Variants in CNTN3 observed in about 807,000 individuals in gnomAD.
CNTN3 encodes contactin-3.
Under a neutral mutation model 119.1 loss-of-function variants are expected in CNTN3, and 60 were observed. The observed-to-expected ratio is 0.50, with a 90% CI of 0.41 to 0.62. CNTN3 has a LOEUF of 0.62. CNTN3 is among the 20% of genes least tolerant of loss of function. The probability of loss-of-function intolerance (pLI) is 0.00; values close to 1 mark genes in which losing one functional copy is unlikely to be tolerated. For missense variants in CNTN3, 1,101 were observed against 1,242.4 expected, an observed-to-expected ratio of 0.89 and a Z score of 1.71; for synonymous variants, 450 against 438.7, an observed-to-expected ratio of 1.03 and a Z score of -0.32.
chr3:74,398,411 G>A (rs969443306), intron 5 of CNTN3, among the ~76,000 whole-genome samples: 1 of 152,184 alleles, frequency 6.6e-6, no homozygotes, highest in Non-Finnish European at 1.5e-5. Flanking sequence ...GCATTTTTCA[G>A]CAATGAAGTA....
intron 1 of CNTN3, among the ~76,000 whole-genome samples, chr3:74,544,774 A>G (rs9851978): frequency 0.021 from 3,238 of 152,010 alleles, 141 homozygotes; most frequent in African/African-American, 0.075. Context: ...ATTTTTTTGT[A>G]TTTTTAGTAG....
rs1043029303 is a variant in CNTN3 at position 74,594,223 on chromosome 3, T to C, written c.-81+20168A>G. On this transcript the variant is annotated intron_variant, in intron 1 of 22. Coordinates refer to ENST00000263665, the MANE Select transcript of CNTN3 (RefSeq NM_020872.3). ...ACAATTCCACCAGTCTCTAGCACTA[T>C]TAAACACATAGTACTAGGGTTAGAT... 2.0e-5 allele frequency among the ~76,000 whole-genome samples: 3 copies of C among 151,864 alleles called. No individual in the cohort carries two copies. The South Asian group carries it at 6.2e-4, about 32-fold the overall frequency.
intron 4 of CNTN3, among the ~76,000 whole-genome samples, chr3:74,466,855 T>C (rs1192003391): frequency 1.3e-5 from 2 of 152,150 alleles, no homozygotes; most frequent in Non-Finnish European, 2.9e-5. Flanking sequence ...TATGTATTAG[T>C]ATTACTGAGT....
intron 4 of CNTN3, among the ~76,000 whole-genome samples, chr3:74,485,472 C>G (rs1702835816): frequency 6.6e-6 from 1 of 151,828 alleles, no homozygotes; most frequent in African/African-American, 2.4e-5. Flanking sequence ...ACAGAACACA[C>G]AGAATATAAT....
At chr3:74,416,754 G>A (rs770943140) in intron 5 of CNTN3, among the ~76,000 whole-genome samples, 4 of 152,104 alleles carry the variant, frequency 2.6e-5, no homozygotes, top group African/African-American at 7.2e-5. Context: ...TTAGGAGGCC[G>A]AAGCGGTTGG....
rs144386416 is a variant in CNTN3, at chr3:74,610,654, T to TAA, written c.-81+3735_-81+3736dup. On this transcript the variant is annotated intron_variant, in intron 1 of 22. Transcript: ENST00000263665. Reference sequence around the variant, plus strand: ...AGATGAGTACTAATTTAACTTACATTAAAAAAAAAAGAAGTCTTGGCTGCT... The same window carrying TAA: ...AGATGAGTACTAATTTAACTTACATTAAAAAAAAAAAAGAAGTCTTGGCTGCT... Among the ~76,000 whole-genome samples, 118 of 147,204 alleles carry TAA rather than the reference T, an allele frequency of 8.0e-4. 1 individual carries two copies. The East Asian group carries it at 0.022, about 28-fold the overall frequency.
rs1400655561 is a variant in CNTN3, at chr3:74,399,359, C to A, written c.454+25486G>T. Among the ~76,000 whole-genome samples the A allele has an allele frequency of 2.6e-5, 4 of 152,190 alleles. No individual in the cohort carries two copies. The South Asian group carries it at 8.3e-4, about 32-fold the overall frequency. Reference sequence around the variant, plus strand: ...CCCCATCCATGTGATCATTTGTTCTCATTTAGCTACCACTTATGCATGAGA... The same window carrying A: ...CCCCATCCATGTGATCATTTGTTCTAATTTAGCTACCACTTATGCATGAGA... On this transcript the variant is annotated intron_variant, in intron 5 of 22. Transcript: ENST00000263665.
intron 13 of CNTN3, among the ~76,000 whole-genome samples, chr3:74,325,179 T>C (rs1196612402): frequency 6.6e-6 from 1 of 152,240 alleles, no homozygotes. Context: ...TTTTGTTTTA[T>C]AACTTTTGAA....
chr3:74,590,115 A>G (rs554873855), intron 1 of CNTN3, among the ~76,000 whole-genome samples: 52 of 151,948 alleles, frequency 3.4e-4, no homozygotes, highest in Non-Finnish European at 5.7e-4. Flanking sequence ...TAATAATAAA[A>G]AAAAGTATAA....
chr3:74,583,804 T>A (rs1372321704), intron 1 of CNTN3, among the ~76,000 whole-genome samples: 1 of 152,180 alleles, frequency 6.6e-6, no homozygotes, highest in Non-Finnish European at 1.5e-5. Flanking sequence ...CTGTGGCTAT[T>A]TTTCCTGCTT....
At chr3:74,329,124 T>C (rs1230090601) in intron 13 of CNTN3, among the ~76,000 whole-genome samples, 1 of 152,190 alleles carries the variant, frequency 6.6e-6, no homozygotes, top group African/African-American at 2.4e-5. Context: ...CAAGTCAAAG[T>C]GGCCACTTGT....
intron 2 of CNTN3, among the ~76,000 whole-genome samples, chr3:74,500,614 A>G (rs1353552666): frequency 1.3e-5 from 2 of 152,010 alleles, no homozygotes; most frequent in Non-Finnish European, 2.9e-5. Context: ...ACTAAGAGAC[A>G]AAGAATCCGT....
intron 4 of CNTN3, among the ~76,000 whole-genome samples, chr3:74,430,164 C>T (rs1701759749): frequency 6.6e-6 from 1 of 152,146 alleles, no homozygotes; most frequent in Admixed American, 6.6e-5. Context: ...GAAATGAAAA[C>T]ACTTGTTCAT....
intron 1 of CNTN3, among the ~76,000 whole-genome samples, chr3:74,595,926 T>C (rs1242154816): frequency 2.0e-5 from 3 of 152,050 alleles, no homozygotes; most frequent in Non-Finnish European, 2.9e-5. Flanking sequence ...GACATGATAG[T>C]ATATCTAGAA....
chr3:74,295,322 A>AT, intron 18 of CNTN3, 86 bp from the exon 19 acceptor site: 1 of 688,540 alleles, frequency 1.5e-6, no homozygotes, highest in Non-Finnish European at 2.5e-6. Context: ...TTATAAAAGC[A>AT]TTTTAACGTA....
chr3:74,355,866 C>T (rs551426139), intron 11 of CNTN3, among the ~76,000 whole-genome samples: 7 of 152,170 alleles, frequency 4.6e-5, no homozygotes, highest in African/African-American at 1.2e-4. Flanking sequence ...TCGGTATACA[C>T]TGTCATTGAC....
intron 4 of CNTN3, among the ~76,000 whole-genome samples, chr3:74,427,174 C>T (rs565639984): frequency 2.6e-5 from 4 of 152,182 alleles, no homozygotes; most frequent in East Asian, 1.9e-4. Flanking sequence ...CTGATATGGC[C>T]GGTTCATGGA....
chr3:74,483,247 A>G (rs1338164229), intron 4 of CNTN3, among the ~76,000 whole-genome samples: 1 of 152,120 alleles, frequency 6.6e-6, no homozygotes, highest in South Asian at 2.1e-4. Context: ...TCAATGTTAC[A>G]TCTTAGGTTT....
chr3:74,384,757 T>C (rs1704705416), intron 5 of CNTN3, among the ~76,000 whole-genome samples: 1 of 152,220 alleles, frequency 6.6e-6, no homozygotes, highest in African/African-American at 2.4e-5. Flanking sequence ...TTTTGGTTAC[T>C]CTGTGGGACT....
Sources: allele counts gnomAD v4.1 joint callset (sites outside exome capture counted in the v4.1 genomes callset), GRCh38; gene constraint gnomAD v4.1.1; transcripts MANE v1.5; gene names NCBI Gene and HGNC (gene_info 2026-07-23, HGNC 2026-07-21).